SCN8A: variants seen among roughly 807,000 people sequenced by gnomAD.
The protein encoded by SCN8A is sodium channel protein type 8 subunit alpha.
In SCN8A, 30 loss-of-function variants were observed where a neutral mutation model predicts 184.1. The ratio of observed to expected loss-of-function variants is 0.16; its 90% CI spans 0.12 to 0.22. SCN8A has a LOEUF of 0.22. Among genes scored for constraint, SCN8A ranks in the 10% least tolerant of loss-of-function variants. The pLI is 1.00. For synonymous variants in SCN8A, 852 were observed against 907.0 expected, an observed-to-expected ratio of 0.94 and a Z score of 1.09; for missense variants, 1,057 against 2,498.9, an observed-to-expected ratio of 0.42 and a Z score of 12.30.
intron 11 of SCN8A, among the ~76,000 whole-genome samples, chr12:51,713,925 A>G (rs1319184000): frequency 6.6e-6 from 1 of 151,786 alleles, no homozygotes; most frequent in Non-Finnish European, 1.5e-5. Flanking sequence ...GATTAACACA[A>G]ATTATATATT....
At position 51,636,715 on chromosome 12, in the gene SCN8A, A is replaced by G. The variant is rs573128811; in HGVS notation, c.-54-26049A>G. On this transcript the variant is annotated intron_variant, in intron 1 of 26. Coordinates refer to ENST00000627620, the MANE Select transcript of SCN8A (RefSeq NM_001330260.2). ...ATACCATTCTTTCATTTATGCCACAAACAACTATCCAGTGGCCTACTGTGT... is the reference window on the plus strand; with the variant it reads ...ATACCATTCTTTCATTTATGCCACAGACAACTATCCAGTGGCCTACTGTGT... Among the ~76,000 whole-genome samples the G allele has an allele frequency of 5.9e-5, 9 of 152,352 alleles. No individual in the cohort carries two copies. The East Asian group carries it at 1.7e-3, about 29-fold the overall frequency.
chr12:51,634,344 G>C (rs939644092), intron 1 of SCN8A, among the ~76,000 whole-genome samples: 1 of 152,140 alleles, frequency 6.6e-6, no homozygotes, highest in Non-Finnish European at 1.5e-5. Flanking sequence ...CTTTTGAGGA[G>C]GTTAGAGAGG....
chr12:51,715,714 A>C (rs1421014560), intron 11 of SCN8A, among the ~76,000 whole-genome samples: 1 of 151,908 alleles, frequency 6.6e-6, no homozygotes, highest in Non-Finnish European at 1.5e-5. Flanking sequence ...TGTAAAATGC[A>C]TAAAACCTCT....
chr12:51,620,859 C>T (rs1011777735), intron 1 of SCN8A, among the ~76,000 whole-genome samples: 31 of 151,706 alleles, frequency 2.0e-4, no homozygotes, highest in Middle Eastern at 3.4e-3. Flanking sequence ...TGGTAGCACA[C>T]GCCTGTGGTC....
At chr12:51,780,892 T>C in intron 21 of SCN8A, 121 bp downstream of exon 21, 1 of 1,224,504 alleles carries the variant, frequency 8.2e-7, no homozygotes, top group Non-Finnish European at 1.0e-6. Context: ...GCTGCTGATT[T>C]GATCCTCCAC....
chr12:51,654,284 CT>C (rs1214502388), intron 1 of SCN8A, among the ~76,000 whole-genome samples: 1 of 152,100 alleles, frequency 6.6e-6, no homozygotes, highest in Non-Finnish European at 1.5e-5. Flanking sequence ...TGTTATGAAG[CT>C]TTTCCTCTAT....
At chr12:51,616,554 T>C (rs1461037234) in intron 1 of SCN8A, among the ~76,000 whole-genome samples, 1 of 151,534 alleles carries the variant, frequency 6.6e-6, no homozygotes, top group Admixed American at 6.6e-5. Flanking sequence ...GGAGGTACAG[T>C]GAGCAAAGAA....
intron 1 of SCN8A, among the ~76,000 whole-genome samples, chr12:51,600,618 A>T (rs951475263): frequency 1.3e-5 from 2 of 152,208 alleles, no homozygotes; most frequent in Admixed American, 6.5e-5. Flanking sequence ...CCTAACGTAC[A>T]ACTTGAGTAT....
intron 1 of SCN8A, among the ~76,000 whole-genome samples, chr12:51,612,962 A>T (rs1592328276): frequency 6.6e-6 from 1 of 152,266 alleles, no homozygotes; most frequent in East Asian, 1.9e-4. Flanking sequence ...ACATCCCGTG[A>T]TCCAACCGCC....
chr12:51,713,764 T>A (rs1941920747), intron 11 of SCN8A, among the ~76,000 whole-genome samples: 1 of 152,128 alleles, frequency 6.6e-6, no homozygotes, highest in African/African-American at 2.4e-5. Context: ...AACTTTCTGG[T>A]CTTAGGACCC....
chr12:51,770,341 A>G, intron 18 of SCN8A, 188 bp from the exon 19 acceptor site: 3 of 656,974 alleles, frequency 4.6e-6, no homozygotes, highest in Non-Finnish European at 7.6e-6. Flanking sequence ...GCCTTGCCCC[A>G]TTAGCCTTTG....
chr12:51,783,417 A>G (rs1006121635), intron 21 of SCN8A, among the ~76,000 whole-genome samples: 2 of 152,150 alleles, frequency 1.3e-5, no homozygotes, highest in Non-Finnish European at 2.9e-5. Context: ...ATCCATGCAG[A>G]TGGGCTCAAC....
At chr12:51,724,168 G>A (rs1268701423) in intron 12 of SCN8A, among the ~76,000 whole-genome samples, 4 of 152,156 alleles carry the variant, frequency 2.6e-5, no homozygotes, top group Admixed American at 1.3e-4. Context: ...ACAGTGGGCC[G>A]GGCACGGTGG....
intron 19 of SCN8A, among the ~76,000 whole-genome samples, chr12:51,771,606 G>C (rs1942926732): frequency 6.6e-6 from 1 of 152,202 alleles, no homozygotes; most frequent in Non-Finnish European, 1.5e-5. Context: ...ATGAAAAGAG[G>C]ACCATGGGAA....
chr12:51,680,877 G>T (rs1193596463), intron 2 of SCN8A, among the ~76,000 whole-genome samples: 6 of 152,042 alleles, frequency 3.9e-5, no homozygotes, highest in Admixed American at 6.6e-5. Context: ...GGTGGCAGGT[G>T]CCTGTAATCT....
intron 13 of SCN8A, 51 bp from the exon 14 acceptor site, chr12:51,751,304 C>G (rs1942590211): frequency 1.6e-6 from 2 of 1,236,438 alleles, no homozygotes; most frequent in African/African-American, 3.0e-5. Flanking sequence ...GTGTGTCCCC[C>G]TGGTTTTCTT....
At chr12:51,780,491 C>G (rs1471495742) in intron 20 of SCN8A, among the ~76,000 whole-genome samples, 158 bp from the exon 21 acceptor site, 1 of 146,560 alleles carries the variant, frequency 6.8e-6, no homozygotes, top group Non-Finnish European at 1.5e-5. Context: ...CCCACTTCCT[C>G]TACCTGGGGG....
In SCN8A at chr12:51,770,697, G is replaced by C. The variant is rs202031360; in HGVS notation, c.3645+14G>C. 2.9e-5 allele frequency: 46 copies of C among 1,613,080 alleles called. No homozygotes were observed. In the Admixed American group the frequency reaches 7.2e-4, roughly 25 times the overall value. ...AGTGGCGCCCTGGTGAGGTCCAGGGGAGAGTGTGAGGAGGGATTGGCTGGG... is the reference window on the plus strand; with the variant it reads ...AGTGGCGCCCTGGTGAGGTCCAGGGCAGAGTGTGAGGAGGGATTGGCTGGG... On this transcript the variant is annotated intron_variant, in intron 19 of 26. Transcript: ENST00000627620.
Position 51,807,586 on chromosome 12 carries a change from C to T in SCN8A, c.*157C>T. ...TGCTTACCACGTAACACAGCTGCATCTTGAGCAGTGACCTGCCAAGGGCAA... is the reference window on the plus strand; with the variant it reads ...TGCTTACCACGTAACACAGCTGCATTTTGAGCAGTGACCTGCCAAGGGCAA... On this transcript the variant is annotated 3_prime_UTR_variant, in exon 27 of 27. Coordinates refer to ENST00000627620, the MANE Select transcript of SCN8A (RefSeq NM_001330260.2). This position sits in a 1 kb window ranked among gnomAD's most constrained non-coding sequence, Gnocchi z 4.5. 1.3e-6 allele frequency: 1 copy of T among 796,904 alleles called. No homozygotes were observed. Among genetic ancestry groups the T allele is most frequent in the Non-Finnish European group, 2.0e-6 (1 of 497,798 alleles). The allele number at this position is 796,904 out of a possible 1,614,324, so 49.4% of individuals were successfully genotyped here. A position where few individuals can be genotyped will look rare whatever the true frequency, so the allele number is the denominator to read the frequency against.
Sources: gnomAD v4.1 joint callset for allele counts (sites outside exome capture counted in the v4.1 genomes callset) on GRCh38, gnomAD v4.1.1 for gene constraint, Gnocchi (gnomAD v3.1) non-coding constraint, MANE v1.5 for transcripts, NCBI Gene and HGNC (gene_info 2026-07-23, HGNC 2026-07-21) for gene names.